HGF: variants seen among roughly 807,000 people sequenced by gnomAD.
HGF encodes hepatocyte growth factor.
A neutral mutation model predicts 111.6 loss-of-function variants in HGF; 39 were observed. The observed-to-expected ratio is 0.35, with a 90% CI of 0.27 to 0.46. HGF has a LOEUF of 0.46. Among genes scored for constraint, HGF ranks in the 20% least tolerant of loss-of-function variants. The probability of loss-of-function intolerance (pLI) is 1.00; values close to 1 mark genes in which losing one functional copy is unlikely to be tolerated. For missense variants in HGF, 735 were observed against 910.5 expected (o/e 0.81, Z 2.48); for synonymous variants, 285 against 294.8 (o/e 0.97, Z 0.34).
chr7:81,714,678 G>C (rs1789664363), intron 11 of HGF, among the ~76,000 whole-genome samples: 1 of 151,880 alleles, frequency 6.6e-6, no homozygotes, highest in African/African-American at 2.4e-5. Flanking sequence ...TTAAAAATAT[G>C]TAAAATATTA....
At chr7:81,740,287 C>G (rs149545737) in intron 7 of HGF, among the ~76,000 whole-genome samples, 42 of 152,220 alleles carry the variant, frequency 2.8e-4, no homozygotes, top group African/African-American at 9.6e-4. Context: ...TTCAGCTGGA[C>G]TGGACTAAGA....
chr7:81,750,310 G>C (rs1357614433), intron 5 of HGF, among the ~76,000 whole-genome samples: 1 of 152,178 alleles, frequency 6.6e-6, no homozygotes, highest in Non-Finnish European at 1.5e-5. Context: ...AACCTACAGG[G>C]CAGATGTTGG....
chr7:81,751,843 A>G lies in HGF; in HGVS notation c.625+277T>C. ...TTGAGGTATGTGAGCTCAAGACAGT[A>G]GGTAAGTAAACCCTCTCTTTCACTT... On this transcript the variant is annotated intron_variant, in intron 5 of 17. Transcript: ENST00000222390. 3 of 1,263,462 alleles carry G rather than the reference A, an allele frequency of 2.4e-6. No homozygotes were observed. The South Asian group carries it at 5.4e-5, about 23-fold the overall frequency. 78.3% of individuals were successfully genotyped at this position (1,263,462 alleles called of 1,614,324 possible). A position where few individuals can be genotyped will look rare whatever the true frequency, so the allele number is the denominator to read the frequency against.
chr7:81,722,533 T>C (rs1789890927), intron 9 of HGF, among the ~76,000 whole-genome samples: 1 of 151,410 alleles, frequency 6.6e-6, no homozygotes. Context: ...TATAAGTTGG[T>C]CAGGCGCGGT....
chr7:81,743,298 G>T, intron 7 of HGF, 55 bp downstream of exon 7: 2 of 986,754 alleles, frequency 2.0e-6, no homozygotes, highest in Non-Finnish European at 1.6e-6. Flanking sequence ...ATAATCGCCT[G>T]CTTAGATCCA....
At chr7:81,761,884 G>A (rs1223066971) in intron 2 of HGF, among the ~76,000 whole-genome samples, 1 of 152,096 alleles carries the variant, frequency 6.6e-6, no homozygotes, top group Non-Finnish European at 1.5e-5. Flanking sequence ...CTCATAAGGA[G>A]CGCACACCCT....
At chr7:81,742,845 T>G in intron 7 of HGF, 1 of 1,589,336 alleles carries the variant, frequency 6.3e-7, no homozygotes, top group East Asian at 2.3e-5. Context: ...CTATAAAGAT[T>G]AGAGACATCT....
chr7:81,707,283 A>C lies in HGF; in HGVS notation c.1616+7T>G. ...TCAAAATAATACTAGTTTTAAAAAC[A>C]CTTTACCGAGAAGGGAAACACTGTC... On this transcript the variant is annotated splice_region_variant and intron_variant, in intron 14 of 17. Transcript: ENST00000222390. 2.0e-6 allele frequency: 3 copies of C among 1,534,354 alleles called. No individual in the cohort carries two copies. Among genetic ancestry groups the C allele is most frequent in the Non-Finnish European group, 2.7e-6 (3 of 1,108,046 alleles).
rs150742654 is a variant in HGF at position 81,723,704 on chromosome 7, C to T, written c.1168+2186G>A. Among the ~76,000 whole-genome samples the T allele has an allele frequency of 2.5e-4, 37 of 150,630 alleles. No homozygotes were observed. The East Asian group carries it at 5.1e-3, about 21-fold the overall frequency. ...TATATATATATTAATTCAGATGTTGCAAGATTTGAAAAATGTTTCCACTCA... is the reference window on the plus strand; with the variant it reads ...TATATATATATTAATTCAGATGTTGTAAGATTTGAAAAATGTTTCCACTCA... On this transcript the variant is annotated intron_variant, in intron 9 of 17. Coordinates refer to ENST00000222390, the MANE Select transcript of HGF (RefSeq NM_000601.6).
intron 13 of HGF, among the ~76,000 whole-genome samples, chr7:81,708,123 GT>G (rs201198085): frequency 0.011 from 1,628 of 152,092 alleles, 31 homozygotes; most frequent in African/African-American, 0.036. Flanking sequence ...CAGATGTTCA[GT>G]GCTTCAGAGG....
At chr7:81,708,815 T>G (rs1433998116) in intron 13 of HGF, among the ~76,000 whole-genome samples, 1 of 152,038 alleles carries the variant, frequency 6.6e-6, no homozygotes, top group Non-Finnish European at 1.5e-5. Flanking sequence ...TAAATCCTCA[T>G]ACTGCACACT....
At chr7:81,710,058 C>A in intron 13 of HGF, 89 bp downstream of exon 13, 2 of 933,680 alleles carry the variant, frequency 2.1e-6, no homozygotes, top group Non-Finnish European at 3.5e-6. Context: ...AGGGTACAAC[C>A]TTCAGGACCA....
intron 7 of HGF, among the ~76,000 whole-genome samples, chr7:81,740,124 G>T (rs1326733577): frequency 6.6e-6 from 1 of 152,072 alleles, no homozygotes; most frequent in Admixed American, 6.5e-5. Flanking sequence ...CTCTTTGTGG[G>T]TGTTAAATAA....
At position 81,743,388 on chromosome 7, in the gene HGF, T is replaced by G; in HGVS notation, c.830A>C (p.His277Pro). The change falls in exon 7 of 18, where the codon CAC becomes CCC. Residue 277 changes from histidine (H) to proline (P), a missense_variant. By Grantham distance (77) the His-to-Pro change is moderately conservative. Around this residue, in one of 3 missense-constraint regions of HGF, gnomAD observed 553 missense variants for 685.6 expected, o/e 0.81. Transcript: ENST00000222390. Reference sequence around the variant, plus strand: ...AATTGCACAGTACTCCCAGCGGGTGTGAGGGTCAAGAGTATAGCACCATGG... The same window carrying G: ...AATTGCACAGTACTCCCAGCGGGTGGGAGGGTCAAGAGTATAGCACCATGG... ...PRPWCYTLDP[H>P]TRWEYCAIKT... 1 of 1,612,314 alleles carries G rather than the reference T, an allele frequency of 6.2e-7. No homozygotes were observed. Among genetic ancestry groups the G allele is most frequent in the Non-Finnish European group, 8.5e-7 (1 of 1,178,372 alleles).
chr7:81,710,821 C>G (rs917738868), intron 12 of HGF, among the ~76,000 whole-genome samples: 5 of 152,068 alleles, frequency 3.3e-5, no homozygotes, highest in Non-Finnish European at 5.9e-5. Context: ...TTTCCTGACC[C>G]TCCTCTGTGC....
At chr7:81,764,470 A>G (rs2116253252) in intron 1 of HGF, among the ~76,000 whole-genome samples, 1 of 152,268 alleles carries the variant, frequency 6.6e-6, no homozygotes, top group South Asian at 2.1e-4. Context: ...AAATGAAATC[A>G]ACCAAAAATC....
In HGF at chr7:81,712,492, A is replaced by G. The variant is rs117077739; in HGVS notation, c.1406-973T>C. ...AGTAAAAAAATATGGAAAAAAGAGA[A>G]CACTGAAAACTACAAATTAATTCTA... On this transcript the variant is annotated intron_variant, in intron 11 of 17. Coordinates refer to ENST00000222390, the MANE Select transcript of HGF (RefSeq NM_000601.6). Among the ~76,000 whole-genome samples, 282 of 152,330 alleles carry G rather than the reference A, an allele frequency of 1.9e-3. 9 individuals carry two copies. The East Asian group carries it at 0.051, about 28-fold the overall frequency.
intron 7 of HGF, among the ~76,000 whole-genome samples, chr7:81,733,669 T>C (rs919434146): frequency 1.3e-5 from 2 of 152,086 alleles, no homozygotes; most frequent in Admixed American, 1.3e-4. Context: ...TACAGGCGAA[T>C]AAAGATATAT....
chr7:81,730,675 GTC>G (rs200212362), intron 7 of HGF, among the ~76,000 whole-genome samples: 2 of 151,432 alleles, frequency 1.3e-5, no homozygotes, highest in East Asian at 1.9e-4. Context: ...CCACAATTTG[GTC>G]TCTCTCTCTC....
Sources: gnomAD v4.1 joint callset for allele counts (sites outside exome capture counted in the v4.1 genomes callset) on GRCh38, gnomAD v4.1.1 for gene constraint, gnomAD v4.1.1 regional missense constraint, MANE v1.5 for transcripts, NCBI Gene and HGNC (gene_info 2026-07-23, HGNC 2026-07-21) for gene names.